Variants in CD44 observed in about 807,000 individuals in gnomAD.
The protein encoded by CD44 is CD44 antigen.
Under a neutral mutation model 88.8 loss-of-function variants are expected in CD44, and 49 were observed. The ratio of observed to expected loss-of-function variants is 0.55; its 90% CI spans 0.44 to 0.70. The LOEUF (loss-of-function observed/expected upper bound fraction) is 0.70. Ranked by LOEUF, CD44 falls within the 30% of genes least tolerant of loss-of-function variation. The pLI is 0.00. For missense variants in CD44, 883 were observed against 913.8 expected (o/e 0.97, Z 0.43); for synonymous variants, 325 against 312.3 (o/e 1.04, Z -0.43).
At position 35,141,281 on chromosome 11, in the gene CD44, T is replaced by C. The variant is rs576326901; in HGVS notation, c.67+1911T>C. Among the ~76,000 whole-genome samples the C allele has an allele frequency of 7.2e-5, 11 of 152,230 alleles. No homozygotes were observed. In the South Asian group the frequency reaches 1.0e-3, roughly 14 times the overall value. On this transcript the variant is annotated intron_variant, in intron 1 of 17. Coordinates refer to ENST00000428726, the MANE Select transcript of CD44 (RefSeq NM_000610.4). ...AGCTCCAAAGCCTAGGCTTAGAATATGTTAGACTGTATAAGATGGACGAAC... is the reference window on the plus strand; with the variant it reads ...AGCTCCAAAGCCTAGGCTTAGAATACGTTAGACTGTATAAGATGGACGAAC...
chr11:35,150,488 T>A (rs1391435772), intron 1 of CD44, among the ~76,000 whole-genome samples: 1 of 152,210 alleles, frequency 6.6e-6, no homozygotes, highest in African/African-American at 2.4e-5. Flanking sequence ...TCATAAAGAT[T>A]GCACGACTTA....
intron 1 of CD44, among the ~76,000 whole-genome samples, chr11:35,154,905 C>G (rs1202412789): frequency 1.3e-5 from 2 of 152,138 alleles, no homozygotes; most frequent in Non-Finnish European, 2.9e-5. Flanking sequence ...ATGATATTAT[C>G]AAGACTCAGG....
At chr11:35,203,980 T>C (rs1947564377) in intron 9 of CD44, among the ~76,000 whole-genome samples, 1 of 152,214 alleles carries the variant, frequency 6.6e-6, no homozygotes, top group Admixed American at 6.5e-5. Context: ...GTTAGTGGAA[T>C]AGCATCCAAG....
intron 6 of CD44, 159 bp from the exon 7 acceptor site, chr11:35,197,962 G>T (rs1489878781): frequency 1.7e-6 from 1 of 580,920 alleles, no homozygotes; most frequent in South Asian, 2.9e-5. Flanking sequence ...TATTAGCTTC[G>T]GAGATCAGAA....
chr11:35,159,259 T>C (rs1428682261), intron 1 of CD44, among the ~76,000 whole-genome samples: 1 of 152,218 alleles, frequency 6.6e-6, no homozygotes, highest in Non-Finnish European at 1.5e-5. Context: ...TAATTGCCTT[T>C]AGCTGCTTAG....
rs183362740 is a variant in CD44, at chr11:35,153,350, C to A, written c.67+13980C>A. ...GTAGGTGTTTACACTGCACTGGAGCCCTCACTGTGCTTGGAACTGGTTCCC... is the reference window on the plus strand; with the variant it reads ...GTAGGTGTTTACACTGCACTGGAGCACTCACTGTGCTTGGAACTGGTTCCC... On this transcript the variant is annotated intron_variant, in intron 1 of 17. Transcript: ENST00000428726. 3.0e-3 allele frequency among the ~76,000 whole-genome samples: 453 copies of A among 152,212 alleles called. 3 individuals carry two copies. Among genetic ancestry groups the A allele is most frequent in the African/African-American group, 0.01 (429 of 41,514 alleles).
chr11:35,207,565 G>T (rs1433095680), intron 11 of CD44, among the ~76,000 whole-genome samples: 2 of 152,176 alleles, frequency 1.3e-5, no homozygotes, highest in Non-Finnish European at 2.9e-5. Context: ...GACGTCCACT[G>T]CTTCTTATTT....
At chr11:35,213,968 G>A (rs909166150) in intron 14 of CD44, 1 of 151,234 alleles carries the variant, frequency 6.6e-6, no homozygotes, top group African/African-American at 2.4e-5. Context: ...GATAACTGTA[G>A]CCATTTTATG....
At chr11:35,167,203 A>G (rs908269191) in intron 1 of CD44, among the ~76,000 whole-genome samples, 1 of 152,224 alleles carries the variant, frequency 6.6e-6, no homozygotes, top group Non-Finnish European at 1.5e-5. Flanking sequence ...ATCAGTAGCA[A>G]CAGCACTGGT....
chr11:35,148,420 G>A (rs764058362), intron 1 of CD44, among the ~76,000 whole-genome samples: 65 of 152,324 alleles, frequency 4.3e-4, no homozygotes, highest in African/African-American at 6.3e-4. Context: ...ATAAAAGTTC[G>A]GGGAAGAAAT....
intron 15 of CD44, among the ~76,000 whole-genome samples, chr11:35,218,301 A>G (rs1949003448): frequency 1.3e-5 from 2 of 152,156 alleles, no homozygotes; most frequent in African/African-American, 2.4e-5. Flanking sequence ...GTGATTTTTC[A>G]TAGTCAGAAA....
At chr11:35,149,381 G>A (rs12275472) in intron 1 of CD44, among the ~76,000 whole-genome samples, 41,393 of 152,062 alleles carry the variant, frequency 0.27, 6,513 homozygotes, top group African/African-American at 0.43. Flanking sequence ...GGAACAAGAC[G>A]GGAGGACCCA....
At chr11:35,228,411 A>T (rs932875827) in intron 17 of CD44, among the ~76,000 whole-genome samples, 1 of 152,216 alleles carries the variant, frequency 6.6e-6, no homozygotes, top group Admixed American at 6.5e-5. Flanking sequence ...AATAATGCTG[A>T]CAAGGCCGAC....
At chr11:35,185,971 G>T (rs1945635305) in intron 3 of CD44, among the ~76,000 whole-genome samples, 1 of 152,122 alleles carries the variant, frequency 6.6e-6, no homozygotes, top group Admixed American at 6.6e-5. Context: ...ATCTGTGGAT[G>T]ATCAGTCAGG....
chr11:35,150,174 C>T (rs1382430635), intron 1 of CD44, among the ~76,000 whole-genome samples: 1 of 152,210 alleles, frequency 6.6e-6, no homozygotes. Flanking sequence ...TGCCAGCTTT[C>T]CTCAAGCAAC....
Position 35,204,635 on chromosome 11 carries a change from C to G in CD44, c.1277C>G (p.Thr426Arg). Residue 426 changes from threonine (T) to arginine (R), a missense_variant, in exon 10 of 18, where the codon ACA (threonine) becomes AGA (arginine). Physicochemically the swap from Thr to Arg is moderately conservative, Grantham distance 71. Transcript: ENST00000428726. ...PKEDSHSTTG[T>R]AAASAHTSHP... Reference sequence around the variant, plus strand: ...GAAGACTCCCATTCGACAACAGGGACAGCTGGTAATGGATGGTTTAACAAG... The same window carrying G: ...GAAGACTCCCATTCGACAACAGGGAGAGCTGGTAATGGATGGTTTAACAAG... 1 of 1,612,958 alleles carries G rather than the reference C, an allele frequency of 6.2e-7. No homozygotes were observed. The highest frequency in any genetic ancestry group is 8.5e-7 in the Non-Finnish European group (1 of 1,179,158).
chr11:35,139,249 C>A lies in CD44; in HGVS notation c.-55C>A, dbSNP rs966829770. The A allele has an allele frequency of 2.1e-6, 3 of 1,427,726 alleles. No homozygotes were observed. The highest frequency in any genetic ancestry group is 2.8e-5 in the African/African-American group (2 of 70,510). The allele number at this position is 1,427,726 out of a possible 1,614,324, so 88.4% of individuals were successfully genotyped here. A position where few individuals can be genotyped will look rare whatever the true frequency, so the allele number is the denominator to read the frequency against. ...CCGTCCTCCGCCGGCCCCTGCCCCG[C>A]GCCCAGGGATCCTCCAGCTCCTTTC... On this transcript the variant is annotated 5_prime_UTR_variant, in exon 1 of 18. Transcript: ENST00000428726.
At position 35,200,161 on chromosome 11, in the gene CD44, A is replaced by G. The variant is rs1168216518; in HGVS notation, c.923-921A>G. Among the ~76,000 whole-genome samples, 3 of 152,038 alleles carry G rather than the reference A, an allele frequency of 2.0e-5. No individual in the cohort carries two copies. In the East Asian group the frequency reaches 5.8e-4, roughly 29 times the overall value. ...CTAAACTTGATTTTTCATAACTTGT[A>G]AAATAGAGCTGACAGTATTATAGTT... On this transcript the variant is annotated intron_variant, in intron 7 of 17. Coordinates refer to ENST00000428726, the MANE Select transcript of CD44 (RefSeq NM_000610.4).
rs922447175 is a variant in CD44 at position 35,219,368 on chromosome 11, A to G, written c.1926A>G (p.Ile642Met). ...EGGANTTSGPIRTPQIPEWLI... is the reference protein window; with the variant it reads ...EGGANTTSGPMRTPQIPEWLI... The stretch of plus-strand genomic sequence containing the variant: ...GAGCAAACACAACCTCTGGTCCTAT[A>G]AGGACACCCCAAATTCCAGGTGAGT... The change falls in exon 16 of 18, where the codon ATA becomes ATG. Residue 642 changes from isoleucine (I) to methionine (M), a missense_variant. Around this residue, in one of 2 missense-constraint regions of CD44, gnomAD observed 631 missense variants for 590.9 expected, o/e 1.07. Transcript: ENST00000428726. 2 of 1,613,368 alleles carry G rather than the reference A, an allele frequency of 1.2e-6. No individual in the cohort carries two copies. Among genetic ancestry groups the G allele is most frequent in the African/African-American group, 2.7e-5 (2 of 74,910 alleles).
Sources: allele counts gnomAD v4.1 joint callset (sites outside exome capture counted in the v4.1 genomes callset), GRCh38; gene constraint gnomAD v4.1.1; regional missense constraint gnomAD v4.1.1; transcripts MANE v1.5; gene names NCBI Gene and HGNC (gene_info 2026-07-23, HGNC 2026-07-21).